The following NCKAP1 variants were observed in gnomAD, a reference collection of about 807,000 sequenced individuals.
The protein encoded by NCKAP1 is nck-associated protein 1.
Under a neutral mutation model 151.2 loss-of-function variants are expected in NCKAP1, and 21 were observed. The ratio of observed to expected loss-of-function variants is 0.14; its 90% CI spans 0.10 to 0.20. NCKAP1 has a LOEUF of 0.20. NCKAP1 is among the 10% of genes least tolerant of loss of function. NCKAP1 has a pLI of 1.00. For missense variants in NCKAP1, 933 were observed against 1,352.1 expected (o/e 0.69, Z 4.86); for synonymous variants, 484 against 451.8 (o/e 1.07, Z -0.90).
rs1696489293 is a variant in NCKAP1 at position 182,917,641 on chromosome 2, A to G, written c.*8061T>C. On this transcript the variant is annotated 3_prime_UTR_variant, in exon 31 of 31. Coordinates refer to ENST00000361354, the MANE Select transcript of NCKAP1 (RefSeq NM_013436.5). ...TAGAGAGCTCTTGGCACGAACTTTAATATTAGACCAAGTGTTGTATGTTCC... is the reference window on the plus strand; with the variant it reads ...TAGAGAGCTCTTGGCACGAACTTTAGTATTAGACCAAGTGTTGTATGTTCC... 1 of 152,222 alleles carries G rather than the reference A, an allele frequency of 6.6e-6. No individual in the cohort carries two copies. The highest frequency in any genetic ancestry group is 2.4e-5 in the African/African-American group (1 of 41,470). 9.4% of individuals were successfully genotyped at this position (152,222 alleles called of 1,614,324 possible). A position where few individuals can be genotyped will look rare whatever the true frequency, so the allele number is the denominator to read the frequency against.
In NCKAP1 at chr2:182,920,472, T is replaced by C. The variant is rs1696532432; in HGVS notation, c.*5230A>G. ...GTCCGTGTGGGCTGCTATAACGAAA[T>C]GCCTTAGTCTGGTTTATAAAGTTTA... On this transcript the variant is annotated 3_prime_UTR_variant, in exon 31 of 31. Transcript: ENST00000361354. 6.6e-6 allele frequency: 1 copy of C among 152,172 alleles called. No homozygotes were observed. Among genetic ancestry groups the C allele is most frequent in the Admixed American group, 6.6e-5 (1 of 15,266 alleles). The allele number at this position is 152,172 out of a possible 1,614,324, so 9.4% of individuals were successfully genotyped here. A position where few individuals can be genotyped will look rare whatever the true frequency, so the allele number is the denominator to read the frequency against.
At chr2:182,979,285 G>A (rs1697890584) in intron 13 of NCKAP1, among the ~76,000 whole-genome samples, 1 of 151,998 alleles carries the variant, frequency 6.6e-6, no homozygotes, top group African/African-American at 2.4e-5. Context: ...TAAAGGTGTT[G>A]GAAAAGTTCT....
At chr2:182,927,278 C>T (rs1696667610) in intron 29 of NCKAP1, 1 of 159,006 alleles carries the variant, frequency 6.3e-6, no homozygotes, top group African/African-American at 2.4e-5. Flanking sequence ...TTTGACTTCA[C>T]AGAAACACTG....
chr2:183,025,364 C>A (rs1486784513), intron 1 of NCKAP1, among the ~76,000 whole-genome samples: 1 of 151,996 alleles, frequency 6.6e-6, no homozygotes, highest in Non-Finnish European at 1.5e-5. Context: ...GAAACGGTAG[C>A]CGAGAATAAA....
chr2:182,986,354 G>C, intron 9 of NCKAP1, 127 bp from the exon 10 acceptor site: 1 of 719,548 alleles, frequency 1.4e-6, no homozygotes, highest in Non-Finnish European at 2.3e-6. Context: ...CAAACTGGAA[G>C]TGCATGGAAG....
At chr2:182,980,348 A>C (rs1697913109) in intron 13 of NCKAP1, among the ~76,000 whole-genome samples, 1 of 151,948 alleles carries the variant, frequency 6.6e-6, no homozygotes, top group Non-Finnish European at 1.5e-5. Flanking sequence ...TTATATTTTT[A>C]GGTTGATTTG....
chr2:183,013,436 A>ATTTC (rs1162501631), intron 2 of NCKAP1, among the ~76,000 whole-genome samples: 5 of 152,116 alleles, frequency 3.3e-5, no homozygotes, highest in African/African-American at 1.2e-4. Context: ...TTAAAGTCTT[A>ATTTC]TTTCTCACTG....
At chr2:182,964,572 G>C (rs1175915520) in intron 17 of NCKAP1, 104 bp downstream of exon 17, 1 of 938,778 alleles carries the variant, frequency 1.1e-6, no homozygotes, top group South Asian at 3.0e-5. Context: ...GTATTCGATG[G>C]GAAGCTAAGT....
intron 15 of NCKAP1, 49 bp from the exon 16 acceptor site, chr2:182,967,410 T>C (rs781150983): frequency 2.8e-5 from 41 of 1,490,192 alleles, no homozygotes; most frequent in Non-Finnish European, 3.3e-5. Flanking sequence ...ATAAATGACT[T>C]CGGACTTGTC....
rs772427539 is a variant in NCKAP1, at chr2:182,930,697, G to A, written c.2951C>T (p.Ser984Leu). The A allele has an allele frequency of 1.9e-5, 30 of 1,611,948 alleles. No homozygotes were observed. In the Admixed American group the frequency reaches 3.0e-4, roughly 16 times the overall value. Residue 984 changes from serine to leucine, a missense_variant and splice_region_variant, in exon 27 of 31, where the codon TCG (serine) becomes TTG (leucine). Coordinates refer to ENST00000361354, the MANE Select transcript of NCKAP1 (RefSeq NM_013436.5). ...AAATATTTACTAATGCATTTTACCC[G>A]ATTTTTGTGAAGAAAGAGCTACGAC... ...ALVVALSSQK[S>L]ENISPEEEYK...
At chr2:182,970,988 T>A (rs1697674910) in intron 15 of NCKAP1, among the ~76,000 whole-genome samples, 1 of 151,748 alleles carries the variant, frequency 6.6e-6, no homozygotes, top group Admixed American at 6.6e-5. Flanking sequence ...GAAATCTCAT[T>A]TACAATAACT....
chr2:183,027,684 A>G (rs1698924008), intron 1 of NCKAP1, among the ~76,000 whole-genome samples: 1 of 152,036 alleles, frequency 6.6e-6, no homozygotes, highest in Non-Finnish European at 1.5e-5. Context: ...GCAAGATCCT[A>G]TCTCTACAAA....
At chr2:182,979,654 A>G (rs909105077) in intron 13 of NCKAP1, among the ~76,000 whole-genome samples, 1 of 152,100 alleles carries the variant, frequency 6.6e-6, no homozygotes, top group East Asian at 1.9e-4. Flanking sequence ...GCAATCAACT[A>G]TGCTAACAGG....
chr2:182,967,356 ATATGCC>A lies in NCKAP1; in HGVS notation c.1483-1_1487del. 6.3e-7 allele frequency: 1 copy of A among 1,599,818 alleles called. No individual in the cohort carries two copies. Among genetic ancestry groups the A allele is most frequent in the Non-Finnish European group, 8.5e-7 (1 of 1,175,538 alleles). Reference sequence around the variant, plus strand: ...CAAGTGAAGCCTTTGAGACACTAGTATATGCCTATAAAGTACAAAAAAAAAAAAGTA... The same window carrying A: ...CAAGTGAAGCCTTTGAGACACTAGTATATAAAGTACAAAAAAAAAAAAGTA... On this transcript the variant is annotated splice_acceptor_variant and coding_sequence_variant, in exon 16 of 31. Transcript: ENST00000361354. LOFTEE classifies it high-confidence loss of function.
chr2:182,998,673 T>C (rs538441968), intron 6 of NCKAP1, among the ~76,000 whole-genome samples: 4 of 151,302 alleles, frequency 2.6e-5, no homozygotes, highest in Admixed American at 1.3e-4. Flanking sequence ...CTACTAAAAA[T>C]ACAAAAATTA....
At chr2:182,934,612 T>C (rs2105804029) in intron 26 of NCKAP1, 140 bp downstream of exon 26, 1 of 559,384 alleles carries the variant, frequency 1.8e-6, no homozygotes, top group Middle Eastern at 4.8e-4. Flanking sequence ...AAAGATTCAA[T>C]TACAAAGGCA....
At chr2:183,035,281 AT>A (rs1034373157) in intron 1 of NCKAP1, among the ~76,000 whole-genome samples, 10 of 149,924 alleles carry the variant, frequency 6.7e-5, no homozygotes, top group Admixed American at 1.3e-4. Flanking sequence ...GACTGATGAA[AT>A]TAAAAAAAAA....
rs1217087664 is a variant in NCKAP1, at chr2:182,971,170, G to A, written c.1483-3809C>T. ...AGCACTTTGGGAGGCCGAGGCGGGC[G>A]GATCACGAGGTCAGGAGATCGAGAC... On this transcript the variant is annotated intron_variant, in intron 15 of 30. Transcript: ENST00000361354. Among the ~76,000 whole-genome samples the A allele has an allele frequency of 1.3e-4, 19 of 151,826 alleles. No homozygotes were observed. In the East Asian group the frequency reaches 1.4e-3, roughly 11 times the overall value.
chr2:182,939,691 C>G (rs533316336), intron 24 of NCKAP1, among the ~76,000 whole-genome samples: 1 of 151,874 alleles, frequency 6.6e-6, no homozygotes, highest in Admixed American at 6.6e-5. Context: ...ACATTGACTT[C>G]TGGATATGGA....
Sources: allele counts gnomAD v4.1 joint callset (sites outside exome capture counted in the v4.1 genomes callset), GRCh38; gene constraint gnomAD v4.1.1; transcripts MANE v1.5; gene names NCBI Gene and HGNC (gene_info 2026-07-23, HGNC 2026-07-21).